Variants in ZNF718 observed in about 807,000 individuals in gnomAD.
ZNF718 encodes zinc finger protein 718.
ZNF718 carries 3 observed loss-of-function variants against 2.6 expected under a neutral mutation model. The ratio of observed to expected loss-of-function variants is 1.16; its 90% CI spans 0.53 to 3.01. The LOEUF is 3.01. ZNF718 is among the 30% of genes most tolerant of loss of function. The probability of loss-of-function intolerance (pLI) is 0.03; values close to 1 mark genes in which losing one functional copy is unlikely to be tolerated. For synonymous variants in ZNF718, 135 were observed against 77.9 expected (o/e 1.73, Z -3.86); for missense variants, 468 against 230.0 (o/e 2.03, Z -6.69).
chr4:177,312 G>T (rs1347833975), intron 3 of ZNF718, among the ~76,000 whole-genome samples: 1 of 152,166 alleles, frequency 6.6e-6, no homozygotes, highest in Non-Finnish European at 1.5e-5. Context: ...AATTGTAGAG[G>T]TCTTGACACA....
intron 3 of ZNF718, among the ~76,000 whole-genome samples, chr4:154,691 C>A (rs1234253899): frequency 3.2e-4 from 49 of 152,164 alleles, no homozygotes; most frequent in Admixed American, 3.1e-3. Flanking sequence ...CTGTTAAAAG[C>A]ATTCAGTTTT....
chr4:136,802 T>C (rs549764039), intron 3 of ZNF718, among the ~76,000 whole-genome samples: 1 of 152,376 alleles, frequency 6.6e-6, no homozygotes, highest in African/African-American at 2.4e-5. Context: ...AATATTTCAT[T>C]GTATGTATAA....
In ZNF718 at chr4:163,409, C is replaced by T. The variant is rs927261910; in HGVS notation, c.*1287C>T. On this transcript the variant is annotated 3_prime_UTR_variant, in exon 4 of 4. Coordinates refer to ENST00000510175, the MANE Select transcript of ZNF718 (RefSeq NM_001039127.6). ...TTCACCGTTTTAGCCGGGATGGTCTCGATCTCCTGACCTCGTGATCCGCCC... is the reference window on the plus strand; with the variant it reads ...TTCACCGTTTTAGCCGGGATGGTCTTGATCTCCTGACCTCGTGATCCGCCC... The T allele has an allele frequency of 8.5e-5, 13 of 152,184 alleles. No homozygotes were observed. Among genetic ancestry groups the T allele is most frequent in the African/African-American group, 1.4e-4 (6 of 41,528 alleles). The allele number at this position is 152,184 out of a possible 1,614,324, so 9.4% of individuals were successfully genotyped here.
intron 3 of ZNF718, among the ~76,000 whole-genome samples, chr4:160,537 A>G (rs76244472): frequency 0.013 from 2,006 of 152,186 alleles, 39 homozygotes; most frequent in African/African-American, 0.045. Context: ...TGTAAAGTAT[A>G]TTTATTTACT....
At position 146,077 on chromosome 4, in the gene ZNF718, C is replaced by CTATATA. The variant is rs5742061; in HGVS notation, c.226+14590_226+14595dup. On this transcript the variant is annotated intron_variant, in intron 3 of 3. Transcript: ENST00000510175. ...GCACCATAATTAGTGATATAGCCTT[C>CTATATA]TATATATATATATATATATATATGT... Among the ~76,000 whole-genome samples, 1,079 of 143,028 alleles carry CTATATA rather than the reference C, an allele frequency of 7.5e-3. 9 individuals carry two copies. The highest frequency in any genetic ancestry group is 0.025 in the African/African-American group (986 of 39,080). The allele number at this position is 143,028 out of a possible 152,430, so 93.8% of individuals were successfully genotyped here.
intron 3 of ZNF718, among the ~76,000 whole-genome samples, chr4:147,470 A>C (rs782257637): frequency 5.3e-5 from 8 of 152,158 alleles, no homozygotes; most frequent in Non-Finnish European, 5.9e-5. Context: ...TCATGTAACT[A>C]CTACCGGGCC....
intron 3 of ZNF718, among the ~76,000 whole-genome samples, chr4:195,924 ACTT>A (rs1198185714): frequency 6.6e-6 from 1 of 151,528 alleles, no homozygotes; most frequent in Non-Finnish European, 1.5e-5. Context: ...TTTCTTTACT[ACTT>A]CTGTCTTTCT....
chr4:146,077 C>CTATATATATATATATA (rs5742061), intron 3 of ZNF718, among the ~76,000 whole-genome samples: 439 of 143,010 alleles, frequency 3.1e-3, no homozygotes, highest in South Asian at 0.011. Flanking sequence ...ATATAGCCTT[C>CTATATATATATATATA]TATATATATA....
intron 3 of ZNF718, among the ~76,000 whole-genome samples, chr4:198,266 A>G (rs1301844836): frequency 6.6e-6 from 1 of 152,132 alleles, no homozygotes; most frequent in East Asian, 1.9e-4. Flanking sequence ...GTCATAGACT[A>G]TGCACTCCTG....
chr4:188,051 C>T (rs1265463442), intron 3 of ZNF718, among the ~76,000 whole-genome samples: 1 of 152,188 alleles, frequency 6.6e-6, no homozygotes, highest in Non-Finnish European at 1.5e-5. Context: ...CCATTCCATG[C>T]TGGGGAACCA....
rs886987015 is a variant in ZNF718, at chr4:184,189, C to G, written c.227-16892C>G. Among the ~76,000 whole-genome samples the G allele has an allele frequency of 2.6e-5, 4 of 152,032 alleles. No homozygotes were observed. In the East Asian group the frequency reaches 5.8e-4, roughly 22 times the overall value. The stretch of plus-strand genomic sequence containing the variant: ...TATTTTGAGGTACATTCCTTCAATA[C>G]TTAGTTTATTGAGAGTTTTTAACAT... On this transcript the variant is annotated intron_variant and NMD_transcript_variant, in intron 3 of 4. Transcript: ENST00000642529.
At chr4:159,549 G>C (rs1206733658) in intron 3 of ZNF718, among the ~76,000 whole-genome samples, 2 of 152,066 alleles carry the variant, frequency 1.3e-5, no homozygotes, top group South Asian at 4.1e-4. Flanking sequence ...GTGTATCCTA[G>C]TTGAAGCTTG....
chr4:156,285 A>T (rs542082485), intron 3 of ZNF718, among the ~76,000 whole-genome samples: 1 of 152,250 alleles, frequency 6.6e-6, no homozygotes, highest in South Asian at 2.1e-4. Flanking sequence ...TGCATTGTTT[A>T]TAAGTTGTAT....
At chr4:176,346 G>A (rs1047355360) in intron 3 of ZNF718, among the ~76,000 whole-genome samples, 4 of 152,122 alleles carry the variant, frequency 2.6e-5, no homozygotes, top group Non-Finnish European at 5.9e-5. Flanking sequence ...TCTAACCCAA[G>A]CTAAAGAGGC....
chr4:181,902 G>A (rs556328506), intron 3 of ZNF718, among the ~76,000 whole-genome samples: 2 of 152,050 alleles, frequency 1.3e-5, no homozygotes, highest in Non-Finnish European at 2.9e-5. Flanking sequence ...ACCTATAAGT[G>A]AGAACATGCA....
rs782777580 is a variant in ZNF718, at chr4:161,234, C to G, written c.549C>G (p.Leu183=). The G allele has an allele frequency of 1.0e-5, 8 of 776,406 alleles. No individual in the cohort carries two copies. Among genetic ancestry groups the G allele is most frequent in the Non-Finnish European group, 1.2e-5 (5 of 416,758 alleles). 48.1% of individuals were successfully genotyped at this position (776,406 alleles called of 1,614,324 possible). The change falls in exon 4 of 4, where the codon CTC becomes CTG. Residue 183 remains leucine (L), a synonymous_variant. Transcript: ENST00000510175. ...CKECGKSFHV[L]SRLTQHKRIH... is the part of the protein sequence containing the mutation. Reference sequence around the variant, plus strand: ...AATGTGGCAAATCATTTCACGTGCTCTCACGCCTAACTCAACACAAAAGAA... The same window carrying G: ...AATGTGGCAAATCATTTCACGTGCTGTCACGCCTAACTCAACACAAAAGAA...
In ZNF718 at chr4:132,433, C is replaced by T. The variant is rs1715372427; in HGVS notation, c.226+928C>T. The stretch of plus-strand genomic sequence containing the variant: ...AGGGCTACATGATCTGACTGCTGTT[C>T]ATTGCTTTTGGGGACCTGGGAACAT... On this transcript the variant is annotated intron_variant, in intron 3 of 3. Transcript: ENST00000510175. Among the ~76,000 whole-genome samples the T allele has an allele frequency of 1.9e-5, 2 of 104,030 alleles. 1 individual carries two copies. The highest frequency in any genetic ancestry group is 5.9e-4 in the South Asian group (2 of 3,362). 68.2% of individuals were successfully genotyped at this position (104,030 alleles called of 152,430 possible).
At chr4:187,257 C>T (rs539157733) in intron 3 of ZNF718, among the ~76,000 whole-genome samples, 11 of 152,070 alleles carry the variant, frequency 7.2e-5, no homozygotes, top group East Asian at 3.9e-4. Context: ...GACGGAGTCT[C>T]GCTCTGTAGC....
intron 3 of ZNF718, among the ~76,000 whole-genome samples, chr4:172,740 T>C (rs1387765485): frequency 1.3e-5 from 2 of 152,204 alleles, no homozygotes; most frequent in African/African-American, 4.8e-5. Context: ...TTTTTTGTTA[T>C]ACATGTGTGT....
Sources: allele counts gnomAD v4.1 joint callset (sites outside exome capture counted in the v4.1 genomes callset), GRCh38; gene constraint gnomAD v4.1.1; transcripts MANE v1.5; gene names NCBI Gene and HGNC (gene_info 2026-07-23, HGNC 2026-07-21).